The following COXFA4 variants were observed in gnomAD, a reference collection of about 807,000 sequenced individuals.
COXFA4 encodes cytochrome c oxidase associated subunit FA4.
chr7:10,933,265 C>A, the COXFA4 span: 1 of 177,826 alleles, frequency 5.6e-6, no homozygotes, highest in Non-Finnish European at 1.2e-5. Flanking sequence ...GTATAATTTC[C>A]AGTTCCAGTT....
the COXFA4 span, chr7:10,939,990 C>T: frequency 6.2e-7 from 1 of 1,613,572 alleles, no homozygotes; most frequent in Non-Finnish European, 8.5e-7. Flanking sequence ...CAAGGGAAAA[C>T]ATTAGGAGAG....
chr7:10,939,801 G>T, the COXFA4 span: 8 of 660,140 alleles, frequency 1.2e-5, no homozygotes, highest in Non-Finnish European at 1.9e-5. Flanking sequence ...AGCAGTGTCC[G>T]TCTCCTTCCT....
chr7:10,938,710 ATTCT>A, the COXFA4 span: 1 of 861,542 alleles, frequency 1.2e-6, no homozygotes. Flanking sequence ...TAAATGTAAC[ATTCT>A]TTCTACTACC....
At chr7:10,932,007 T>A in the COXFA4 span, 1 of 151,546 alleles carries the variant, frequency 6.6e-6, no homozygotes, top group Non-Finnish European at 1.5e-5. Context: ...CATGACACAC[T>A]GTTTGTTTAC....
chr7:10,932,959 A>C, the COXFA4 span: 1 of 148,064 alleles, frequency 6.8e-6, no homozygotes, highest in Non-Finnish European at 1.5e-5. Context: ...GACAGAGACT[A>C]TCTCAAAAAA....
chr7:10,935,389 T>C, the COXFA4 span, among the ~76,000 whole-genome samples: 2 of 152,240 alleles, frequency 1.3e-5, no homozygotes, highest in Non-Finnish European at 2.9e-5. Flanking sequence ...TGTTATTCAG[T>C]TGAGAAGTAT....
chr7:10,936,698 C>G, the COXFA4 span, among the ~76,000 whole-genome samples: 3,732 of 152,102 alleles, frequency 0.025, 124 homozygotes, highest in African/African-American at 0.075. Flanking sequence ...AAATTATAAT[C>G]AGGTTAAGGG....
At chr7:10,932,228 T>G in the COXFA4 span, 1 of 152,166 alleles carries the variant, frequency 6.6e-6, no homozygotes, top group African/African-American at 2.4e-5. Context: ...TGGGATGGTC[T>G]GCTAAACCAA....
chr7:10,938,947 G>A, the COXFA4 span: 1 of 1,343,768 alleles, frequency 7.4e-7, no homozygotes, highest in Non-Finnish European at 1.1e-6. Context: ...TAAAACACTG[G>A]CCAACGAGAG....
chr7:10,939,752 C>T, the COXFA4 span: 1 of 538,390 alleles, frequency 1.9e-6, no homozygotes. Flanking sequence ...CAGACTGTTC[C>T]AATATTCACT....
the COXFA4 span, chr7:10,938,922 C>T: frequency 3.2e-6 from 5 of 1,562,780 alleles, no homozygotes; most frequent in Non-Finnish European, 4.4e-6. Context: ...AATAGAATAA[C>T]CATCTTCAAA....
chr7:10,933,541 A>G, the COXFA4 span: 5 of 896,200 alleles, frequency 5.6e-6, no homozygotes, highest in African/African-American at 4.9e-5. Flanking sequence ...TCATGCATTT[A>G]GAGGAGAAAT....
chr7:10,932,432 T>C, the COXFA4 span: 2 of 152,244 alleles, frequency 1.3e-5, no homozygotes, highest in Admixed American at 6.5e-5. Flanking sequence ...GTAATTCAAC[T>C]CGTTTAACAA....
At chr7:10,936,719 A>T in the COXFA4 span, among the ~76,000 whole-genome samples, 1 of 152,174 alleles carries the variant, frequency 6.6e-6, no homozygotes, top group East Asian at 1.9e-4. Flanking sequence ...GAAAACGTGA[A>T]ATCCACAAAG....
the COXFA4 span, among the ~76,000 whole-genome samples, chr7:10,936,493 T>A: frequency 6.6e-6 from 1 of 152,362 alleles, no homozygotes; most frequent in East Asian, 1.9e-4. Context: ...GTTTCTTGTA[T>A]GTGGAATTAT....
chr7:10,939,563 G>T, the COXFA4 span: 2 of 183,084 alleles, frequency 1.1e-5, no homozygotes, highest in African/African-American at 2.4e-5. Flanking sequence ...GACAAAGTGA[G>T]GATTCCAAGA....
the COXFA4 span, chr7:10,939,855 G>GACA: frequency 1.2e-6 from 1 of 831,422 alleles, no homozygotes; most frequent in Non-Finnish European, 2.1e-6. Context: ...GAGGGTCACA[G>GACA]AGGCCTGGGA....
chr7:10,938,515 G>A, the COXFA4 span: 6 of 424,072 alleles, frequency 1.4e-5, no homozygotes, highest in East Asian at 8.3e-5. Flanking sequence ...TACATGTGCC[G>A]AGAACCATGA....
At chr7:10,938,763 T>G in the COXFA4 span, 1 of 1,435,350 alleles carries the variant, frequency 7.0e-7, no homozygotes. Flanking sequence ...GCTCCTAAAC[T>G]GCCTTGATCA....
Sources: gnomAD v4.1 joint callset for allele counts (sites outside exome capture counted in the v4.1 genomes callset) on GRCh38, gnomAD v4.1.1 for gene constraint, MANE v1.5 for transcripts, NCBI Gene and HGNC (gene_info 2026-07-23, HGNC 2026-07-21) for gene names.